ATF6: variants seen among roughly 807,000 people sequenced by gnomAD.
The protein encoded by ATF6 is activating transcription factor 6, also known as cyclic AMP-dependent transcription factor ATF-6 alpha.
ATF6 carries 53 observed loss-of-function variants against 83.6 expected under a neutral mutation model. The ratio of observed to expected loss-of-function variants is 0.63; its 90% confidence interval spans 0.51 to 0.80. ATF6 has a LOEUF of 0.80. ATF6 is among the 30% of genes least tolerant of loss of function. ATF6 has a pLI of 0.00. For synonymous variants in ATF6, 288 were observed against 285.8 expected, an observed-to-expected ratio of 1.01 and a Z score of -0.08; for missense variants, 744 against 797.9, an observed-to-expected ratio of 0.93 and a Z score of 0.81.
chr1:161,796,012 G>T (rs1392465578), intron 6 of ATF6, among the ~76,000 whole-genome samples: 1 of 152,102 alleles, frequency 6.6e-6, no homozygotes, highest in Non-Finnish European at 1.5e-5. Context: ...GATACAATAT[G>T]GGAAAAAAAG....
chr1:161,898,697 G>A (rs1368677879), intron 14 of ATF6, among the ~76,000 whole-genome samples: 2 of 151,934 alleles, frequency 1.3e-5, no homozygotes, highest in Admixed American at 6.6e-5. Context: ...ATAGGCGCAC[G>A]CCACCACGCC....
intron 6 of ATF6, among the ~76,000 whole-genome samples, chr1:161,799,937 C>CT (rs533164575): frequency 4.8e-4 from 73 of 151,462 alleles, no homozygotes; most frequent in African/African-American, 1.7e-3. Context: ...AAGCATAATG[C>CT]TTTTTTTTTC....
chr1:161,957,418 C>A (rs1688990531), intron 15 of ATF6, among the ~76,000 whole-genome samples: 1 of 152,098 alleles, frequency 6.6e-6, no homozygotes, highest in African/African-American at 2.4e-5. Context: ...GTTCACACAT[C>A]TTTTTACTGT....
chr1:161,937,290 G>A, intron 15 of ATF6, among the ~76,000 whole-genome samples: 1 of 143,762 alleles, frequency 7.0e-6, no homozygotes, highest in East Asian at 2.1e-4. Flanking sequence ...GTTGCAGTAA[G>A]CAGAGATTGT....
At chr1:161,828,118 T>C (rs1363782876) in intron 9 of ATF6, among the ~76,000 whole-genome samples, 1 of 152,176 alleles carries the variant, frequency 6.6e-6, no homozygotes, top group Non-Finnish European at 1.5e-5. Flanking sequence ...CCAGGTTTTT[T>C]TTCTTTTTTT....
intron 3 of ATF6, among the ~76,000 whole-genome samples, chr1:161,783,757 C>G (rs1684686406): frequency 1.3e-5 from 2 of 151,820 alleles, no homozygotes; most frequent in Admixed American, 1.3e-4. Context: ...TATACACACA[C>G]ACACAGACAT....
chr1:161,877,042 G>A (rs1046173608), intron 14 of ATF6, among the ~76,000 whole-genome samples: 5 of 152,020 alleles, frequency 3.3e-5, no homozygotes, highest in African/African-American at 1.2e-4. Flanking sequence ...TATTTAGATA[G>A]AAGTTTCAGT....
At chr1:161,862,092 G>C (rs1273023229) in intron 13 of ATF6, among the ~76,000 whole-genome samples, 1 of 152,172 alleles carries the variant, frequency 6.6e-6, no homozygotes, top group Admixed American at 6.5e-5. Flanking sequence ...CCAGAGGCTT[G>C]CAGGAACCTA....
intron 15 of ATF6, among the ~76,000 whole-genome samples, chr1:161,932,826 G>A (rs1271937898): frequency 6.6e-6 from 1 of 152,178 alleles, no homozygotes; most frequent in Non-Finnish European, 1.5e-5. Flanking sequence ...AAGCTCACTC[G>A]TATGGTTGTT....
At chr1:161,802,742 A>C (rs1306513062) in intron 7 of ATF6, among the ~76,000 whole-genome samples, 1 of 152,184 alleles carries the variant, frequency 6.6e-6, no homozygotes, top group Non-Finnish European at 1.5e-5. Context: ...CATAATGATG[A>C]CTAGCTACTC....
intron 7 of ATF6, among the ~76,000 whole-genome samples, chr1:161,812,784 C>G (rs562176711): frequency 5.5e-5 from 8 of 145,328 alleles, no homozygotes; most frequent in South Asian, 2.2e-4. Context: ...TTTGCCTCCT[C>G]TGTGTGTGTG....
intron 15 of ATF6, among the ~76,000 whole-genome samples, chr1:161,938,272 CT>C (rs1188207532): frequency 6.6e-6 from 1 of 152,154 alleles, no homozygotes; most frequent in Non-Finnish European, 1.5e-5. Flanking sequence ...TTATAGGGCT[CT>C]TTTGGCTAGT....
At chr1:161,846,237 A>G (rs1686483222) in intron 9 of ATF6, among the ~76,000 whole-genome samples, 1 of 152,198 alleles carries the variant, frequency 6.6e-6, no homozygotes, top group Non-Finnish European at 1.5e-5. Context: ...AGGTACTTTT[A>G]TACTTAGAAA....
intron 15 of ATF6, among the ~76,000 whole-genome samples, chr1:161,917,791 G>A (rs1170322809): frequency 6.6e-6 from 1 of 152,164 alleles, no homozygotes. Context: ...GAAAGGGTCA[G>A]GTGTGGATTT....
At position 161,953,995 on chromosome 1, in the gene ATF6, G is replaced by A. The variant is rs370502729; in HGVS notation, c.1805-4451G>A. Among the ~76,000 whole-genome samples the A allele has an allele frequency of 1.3e-4, 20 of 152,270 alleles. 1 individual carries two copies. In the South Asian group the frequency reaches 4.1e-3, roughly 32 times the overall value. On this transcript the variant is annotated intron_variant, in intron 15 of 15. Transcript: ENST00000367942. The stretch of plus-strand genomic sequence containing the variant: ...TTTATAAGAAGAAGTGGGCCTCAAA[G>A]AATTAATAGAATTGGACTAAGTAGA...
At chr1:161,856,210 A>G (rs1039718915) in intron 12 of ATF6, among the ~76,000 whole-genome samples, 1 of 152,242 alleles carries the variant, frequency 6.6e-6, no homozygotes, top group African/African-American at 2.4e-5. Flanking sequence ...AATGAGGGCT[A>G]GTCTAGGTGA....
chr1:161,877,669 A>G (rs1385280507), intron 14 of ATF6, among the ~76,000 whole-genome samples: 6 of 152,126 alleles, frequency 3.9e-5, no homozygotes, highest in Non-Finnish European at 8.8e-5. Context: ...AACACGAATG[A>G]TTTAGTTCGT....
At position 161,781,999 on chromosome 1, in the gene ATF6, G is replaced by T; in HGVS notation, c.247G>T (p.Val83Phe). 2 of 1,584,552 alleles carry T rather than the reference G, an allele frequency of 1.3e-6. No homozygotes were observed. Among genetic ancestry groups the T allele is most frequent in the South Asian group, 1.1e-5 (1 of 87,320 alleles). ...IWDINNQICT[V>F]KDIKAEPQPL... ...GGACATCAACAACCAAATCTGTACA[G>T]GTAATTATGTGTTTCACTGGTAAAA... Residue 83 changes from valine (V) to phenylalanine (F), a missense_variant and splice_region_variant, in exon 3 of 16, where the codon GTT becomes TTT. Val to Phe is a conservative substitution (Grantham distance 50). Coordinates refer to ENST00000367942, the MANE Select transcript of ATF6 (RefSeq NM_007348.4).
intron 15 of ATF6, among the ~76,000 whole-genome samples, chr1:161,957,953 T>C (rs1260093328): frequency 6.6e-6 from 1 of 152,206 alleles, no homozygotes; most frequent in Non-Finnish European, 1.5e-5. Flanking sequence ...GAAATATTAC[T>C]GATGAATAGG....
Sources: gnomAD v4.1 joint callset for allele counts (sites outside exome capture counted in the v4.1 genomes callset) on GRCh38, gnomAD v4.1.1 for gene constraint, MANE v1.5 for transcripts, NCBI Gene and HGNC (gene_info 2026-07-23, HGNC 2026-07-21) for gene names.